Variants in PCDH9 observed in about 807,000 individuals in gnomAD.
PCDH9 encodes the protein protocadherin-9.
Under a neutral mutation model 70.6 loss-of-function variants are expected in PCDH9, and 24 were observed. The observed-to-expected ratio is 0.34, with a 90% CI of 0.25 to 0.48. The LOEUF (loss-of-function observed/expected upper bound fraction) is 0.48. Among genes scored for constraint, PCDH9 ranks in the 20% least tolerant of loss-of-function variants. The probability of loss-of-function intolerance (pLI) is 0.99; values close to 1 mark genes in which losing one functional copy is unlikely to be tolerated. For missense variants in PCDH9, 1,281 were observed against 1,503.6 expected (o/e 0.85, Z 2.45); for synonymous variants, 562 against 558.5 (o/e 1.01, Z -0.09).
chr13:66,361,041 T>C (rs910215537), intron 4 of PCDH9, among the ~76,000 whole-genome samples: 1 of 152,058 alleles, frequency 6.6e-6, no homozygotes, highest in Non-Finnish European at 1.5e-5. Flanking sequence ...TAGCCCAATG[T>C]TGGATAGCTG....
At chr13:67,065,382 C>T (rs2085627130) in intron 2 of PCDH9, among the ~76,000 whole-genome samples, 1 of 152,080 alleles carries the variant, frequency 6.6e-6, no homozygotes, top group African/African-American at 2.4e-5. Context: ...CTTAAAGGTG[C>T]AATTATTCTT....
chr13:66,348,420 CAG>C (rs1364661232), intron 4 of PCDH9, among the ~76,000 whole-genome samples: 1 of 148,676 alleles, frequency 6.7e-6, no homozygotes, highest in African/African-American at 2.5e-5. Context: ...TTTTTTGAGA[CAG>C]AGTCTCAGCC....
At chr13:66,380,555 T>G (rs1204331196) in intron 4 of PCDH9, among the ~76,000 whole-genome samples, 8 of 144,646 alleles carry the variant, frequency 5.5e-5, no homozygotes, top group Non-Finnish European at 1.1e-4. Context: ...TTTTTTTTTT[T>G]TTTTTTGAGA....
chr13:66,393,332 T>A (rs1957049890), intron 4 of PCDH9, among the ~76,000 whole-genome samples: 1 of 152,130 alleles, frequency 6.6e-6, no homozygotes, highest in South Asian at 2.1e-4. Flanking sequence ...AAAGAAGGCC[T>A]GCAAACAACC....
chr13:67,210,833 T>C (rs2089453665), intron 2 of PCDH9: 1 of 152,020 alleles, frequency 6.6e-6, no homozygotes, highest in African/African-American at 2.4e-5. Context: ...TTTTATGTGG[T>C]AATACATTGC....
intron 2 of PCDH9, among the ~76,000 whole-genome samples, chr13:67,196,880 A>G (rs939567339): frequency 6.6e-6 from 1 of 152,074 alleles, no homozygotes; most frequent in Non-Finnish European, 1.5e-5. Context: ...CACATTTTCA[A>G]ACATTATTTC....
At chr13:66,607,259 TC>T (rs1327908234) in intron 4 of PCDH9, among the ~76,000 whole-genome samples, 4 of 152,132 alleles carry the variant, frequency 2.6e-5, no homozygotes, top group Non-Finnish European at 4.4e-5. Context: ...TTCAGTTTTT[TC>T]ATGTGAAAAT....
intron 4 of PCDH9, among the ~76,000 whole-genome samples, chr13:66,508,160 AC>A (rs1273464063): frequency 1.3e-5 from 2 of 152,158 alleles, no homozygotes; most frequent in African/African-American, 4.8e-5. Context: ...GCCCTAAATA[AC>A]TGTTTATCTA....
chr13:66,518,223 C>T (rs745793041), intron 4 of PCDH9, among the ~76,000 whole-genome samples: 1 of 152,020 alleles, frequency 6.6e-6, no homozygotes, highest in Admixed American at 6.6e-5. Flanking sequence ...ACCCAGATCC[C>T]ATGTGAACTC....
chr13:66,455,114 T>G (rs1177330815), intron 4 of PCDH9, among the ~76,000 whole-genome samples: 4 of 152,092 alleles, frequency 2.6e-5, no homozygotes, highest in Non-Finnish European at 5.9e-5. Context: ...GGTAAAACCA[T>G]CACCTAGCCA....
intron 4 of PCDH9, among the ~76,000 whole-genome samples, chr13:66,596,878 T>G (rs2077110444): frequency 7.0e-6 from 1 of 143,068 alleles, no homozygotes; most frequent in African/African-American, 2.5e-5. Context: ...ATGGCTATTC[T>G]TTTTTTTTTT....
chr13:67,079,410 T>A (rs945143635), intron 2 of PCDH9, among the ~76,000 whole-genome samples: 1 of 152,148 alleles, frequency 6.6e-6, no homozygotes, highest in Non-Finnish European at 1.5e-5. Context: ...TTGCCCAAAT[T>A]CCTATCTAAG....
At chr13:66,317,314 T>C (rs1047675876) in intron 4 of PCDH9, among the ~76,000 whole-genome samples, 1 of 152,204 alleles carries the variant, frequency 6.6e-6, no homozygotes, top group Non-Finnish European at 1.5e-5. Flanking sequence ...AAGAAAATAG[T>C]GAATAACAGG....
intron 3 of PCDH9, among the ~76,000 whole-genome samples, chr13:66,744,463 C>T (rs1593994182): frequency 6.6e-6 from 1 of 152,076 alleles, no homozygotes; most frequent in African/African-American, 2.4e-5. Context: ...ATGAAAGGTA[C>T]ACGACCAATC....
intron 2 of PCDH9, among the ~76,000 whole-genome samples, chr13:66,957,131 G>A (rs1207607711): frequency 6.6e-6 from 1 of 152,162 alleles, no homozygotes; most frequent in Admixed American, 6.5e-5. Flanking sequence ...GCTGTGTGCT[G>A]ACTAAAGTAG....
chr13:66,728,831 T>A (rs1235307676), intron 3 of PCDH9, among the ~76,000 whole-genome samples: 1 of 152,084 alleles, frequency 6.6e-6, no homozygotes, highest in Non-Finnish European at 1.5e-5. Context: ...CTTATACCTA[T>A]TTTCTGCTCT....
chr13:67,140,684 C>T (rs780843423), intron 2 of PCDH9, among the ~76,000 whole-genome samples: 6 of 152,186 alleles, frequency 3.9e-5, no homozygotes, highest in Non-Finnish European at 8.8e-5. Context: ...TTCCAATGTG[C>T]CTCCTCCACT....
chr13:67,078,078 A>G (rs2085913540), intron 2 of PCDH9, among the ~76,000 whole-genome samples: 1 of 152,022 alleles, frequency 6.6e-6, no homozygotes, highest in South Asian at 2.1e-4. Context: ...ATTCCTGCAG[A>G]TGGCTGAGGT....
chr13:67,176,831 A>G (rs1343781416), intron 2 of PCDH9, among the ~76,000 whole-genome samples: 1 of 152,016 alleles, frequency 6.6e-6, no homozygotes, highest in Non-Finnish European at 1.5e-5. Flanking sequence ...AATCTATCCT[A>G]CTTTCATTTA....
Sources: gnomAD v4.1 joint callset for allele counts (sites outside exome capture counted in the v4.1 genomes callset) on GRCh38, gnomAD v4.1.1 for gene constraint, MANE v1.5 for transcripts, NCBI Gene and HGNC (gene_info 2026-07-23, HGNC 2026-07-21) for gene names.